Variants in TPP2 observed in about 807,000 individuals in gnomAD.
TPP2 encodes the protein tripeptidyl peptidase 2.
In TPP2, 34 loss-of-function variants were observed where a neutral mutation model predicts 155.9. That is an observed-to-expected ratio of 0.22 (90% CI 0.17 to 0.29). The LOEUF is 0.29. Among genes scored for constraint, TPP2 ranks in the 10% least tolerant of loss-of-function variants. The pLI is 1.00. For missense variants in TPP2, 1,028 were observed against 1,522.3 expected (o/e 0.68, Z 5.40); for synonymous variants, 510 against 529.4 (o/e 0.96, Z 0.50).
At position 102,597,023 on chromosome 13, in the gene TPP2, C is replaced by G; in HGVS notation, c.-16C>G. 1 of 1,610,698 alleles carries G rather than the reference C, an allele frequency of 6.2e-7. No individual in the cohort carries two copies. The highest frequency in any genetic ancestry group is 8.5e-7 in the Non-Finnish European group (1 of 1,179,006). On this transcript the variant is annotated 5_prime_UTR_variant, in exon 1 of 30. Transcript: ENST00000376052. ...GCCTGGCAGTTTGCCGCTTCCTCGTCCTCCATCCTGCGTCCATGGCCACCG... is the reference window on the plus strand; with the variant it reads ...GCCTGGCAGTTTGCCGCTTCCTCGTGCTCCATCCTGCGTCCATGGCCACCG...
intron 17 of TPP2, among the ~76,000 whole-genome samples, 183 bp downstream of exon 17, chr13:102,643,559 T>G (rs1389973675): frequency 2.0e-5 from 3 of 152,060 alleles, no homozygotes; most frequent in Non-Finnish European, 4.4e-5. Context: ...TGAAATCAAG[T>G]TGGAGGTAAT....
chr13:102,671,593 A>C (rs1433420553), intron 27 of TPP2, among the ~76,000 whole-genome samples: 1 of 152,202 alleles, frequency 6.6e-6, no homozygotes, highest in East Asian at 1.9e-4. Context: ...TATAAGCGTT[A>C]AAAGTAACGG....
chr13:102,598,206 G>A (rs771161640), intron 1 of TPP2, among the ~76,000 whole-genome samples: 1 of 152,082 alleles, frequency 6.6e-6, no homozygotes, highest in Non-Finnish European at 1.5e-5. Context: ...CGTTATTCAA[G>A]ATCCATCTCC....
At chr13:102,615,003 T>G (rs973084939) in intron 3 of TPP2, among the ~76,000 whole-genome samples, 6 of 152,278 alleles carry the variant, frequency 3.9e-5, no homozygotes, top group Non-Finnish European at 7.4e-5. Context: ...AGTCCAGGGT[T>G]GCAGCTGTAA....
intron 4 of TPP2, among the ~76,000 whole-genome samples, chr13:102,617,619 C>T (rs1264003781): frequency 6.6e-6 from 1 of 152,170 alleles, no homozygotes; most frequent in African/African-American, 2.4e-5. Context: ...CTCAGGATTG[C>T]ACAGCTAAGT....
At chr13:102,670,525 G>A (rs994716863) in intron 27 of TPP2, among the ~76,000 whole-genome samples, 1 of 152,160 alleles carries the variant, frequency 6.6e-6, no homozygotes, top group African/African-American at 2.4e-5. Context: ...ATCCTGTTGG[G>A]GAATGCTTAG....
intron 24 of TPP2, among the ~76,000 whole-genome samples, chr13:102,652,588 T>C (rs1266817098): frequency 6.6e-6 from 1 of 151,714 alleles, no homozygotes; most frequent in Non-Finnish European, 1.5e-5. Context: ...TGTTAATTAG[T>C]AGTGATATGG....
chr13:102,614,225 G>T (rs1354147149), intron 3 of TPP2, 29 bp downstream of exon 3: 1 of 1,514,738 alleles, frequency 6.6e-7, no homozygotes, highest in Non-Finnish European at 9.0e-7. Context: ...CCAATGAGTT[G>T]TATTCTTCTG....
At chr13:102,644,260 A>G (rs639292) in intron 17 of TPP2, among the ~76,000 whole-genome samples, 75,390 of 151,966 alleles carry the variant, frequency 0.5, 19,101 homozygotes, top group African/African-American at 0.6. Flanking sequence ...TTTTTATTTC[A>G]CTTCGAAATA....
At position 102,616,490 on chromosome 13, in the gene TPP2, G is replaced by T; in HGVS notation, c.485G>T (p.Gly162Val). 6.2e-7 allele frequency: 1 copy of T among 1,609,874 alleles called. No homozygotes were observed. The highest frequency in any genetic ancestry group is 8.5e-7 in the Non-Finnish European group (1 of 1,177,852). ...KQEEFDVANN[G>V]SSQANKLIKE... ...GAAGAATTTGATGTTGCCAACAACG[G>T]CTCTTCTCAAGTTGGTGCTAGTCGA... The change falls in exon 4 of 30, where the codon GGC becomes GTC. Residue 162 changes from glycine to valine, a missense_variant. This residue lies in a region of TPP2 where 300 missense variants were observed against 398.3 expected (regional missense o/e 0.75). Coordinates refer to ENST00000376052, the MANE Select transcript of TPP2 (RefSeq NM_001330588.2).
At chr13:102,637,377 G>T (rs1043120596) in intron 14 of TPP2, 138 bp downstream of exon 14, 2 of 893,752 alleles carry the variant, frequency 2.2e-6, no homozygotes, top group East Asian at 2.9e-5. Flanking sequence ...AGGTTATTCA[G>T]TTCTTCTGGT....
chr13:102,628,070 C>T (rs77254603), intron 8 of TPP2, 146 bp downstream of exon 8: 32,394 of 655,118 alleles, frequency 0.049, 968 homozygotes, highest in Middle Eastern at 0.057. Flanking sequence ...GGACTTTCAT[C>T]CTCTTGAAGT....
chr13:102,631,686 G>A (rs1327772690), intron 10 of TPP2, among the ~76,000 whole-genome samples: 1 of 152,044 alleles, frequency 6.6e-6, no homozygotes, highest in African/African-American at 2.4e-5. Context: ...GGGGAAGCTT[G>A]GATTAAAGTA....
intron 5 of TPP2, among the ~76,000 whole-genome samples, chr13:102,620,932 T>A (rs962206432): frequency 3.3e-5 from 5 of 152,208 alleles, no homozygotes; most frequent in African/African-American, 1.2e-4. Context: ...AATTGAGAGA[T>A]GTGTGAAAAT....
intron 15 of TPP2, 132 bp from the exon 16 acceptor site, chr13:102,640,138 G>A (rs1882656344): frequency 4.3e-6 from 3 of 690,308 alleles, no homozygotes; most frequent in Non-Finnish European, 6.9e-6. Context: ...CGTACCTACT[G>A]TTTTGTAACC....
chr13:102,645,878 T>C (rs1052730824), intron 19 of TPP2, among the ~76,000 whole-genome samples: 14 of 152,232 alleles, frequency 9.2e-5, no homozygotes, highest in African/African-American at 3.1e-4. Context: ...GCCCCTGCCA[T>C]CTGGTGAGCA....
chr13:102,659,622 A>G lies in TPP2; in HGVS notation c.3143+2415A>G, dbSNP rs546097118. ...CTATATCCAGCAAAACTGTCCTTTA[A>G]AAATGAAAATGAAATAATTCCCAGG... On this transcript the variant is annotated intron_variant, in intron 25 of 29. Coordinates refer to ENST00000376052, the MANE Select transcript of TPP2 (RefSeq NM_001330588.2). Among the ~76,000 whole-genome samples, 6 of 152,340 alleles carry G rather than the reference A, an allele frequency of 3.9e-5. No homozygotes were observed. In the South Asian group the frequency reaches 8.3e-4, roughly 21 times the overall value.
chr13:102,640,677 A>T (rs868081764), intron 16 of TPP2, among the ~76,000 whole-genome samples: 80 of 101,910 alleles, frequency 7.9e-4, no homozygotes, highest in African/African-American at 3.0e-3. Context: ...TTTGAGACAG[A>T]GTCTCACTCT....
chr13:102,638,335 C>T lies in TPP2; in HGVS notation c.1913+20C>T. 6.2e-7 allele frequency: 1 copy of T among 1,607,228 alleles called. No homozygotes were observed. ...AGCAAAGTAAGTAACAGGTTACTCA[C>T]AGCTTACTGGTACATCTAAGATTTT... is the stretch of plus-strand genomic sequence containing the variant. On this transcript the variant is annotated intron_variant, in intron 15 of 29. Coordinates refer to ENST00000376052, the MANE Select transcript of TPP2 (RefSeq NM_001330588.2).
Sources: gnomAD v4.1 joint callset for allele counts (sites outside exome capture counted in the v4.1 genomes callset) on GRCh38, gnomAD v4.1.1 for gene constraint, gnomAD v4.1.1 regional missense constraint, MANE v1.5 for transcripts, NCBI Gene and HGNC (gene_info 2026-07-23, HGNC 2026-07-21) for gene names.